GALNT18: variants seen among roughly 807,000 people sequenced by gnomAD.
GALNT18 encodes GalNAc-transferase 18.
GALNT18 carries 44 observed loss-of-function variants against 69.5 expected under a neutral mutation model. The observed-to-expected ratio is 0.63, with a 90% CI of 0.50 to 0.81. GALNT18 has a LOEUF of 0.81. Ranked by LOEUF, GALNT18 falls within the 40% of genes least tolerant of loss-of-function variation. The pLI is 0.00. For synonymous variants in GALNT18, 364 were observed against 318.2 expected (o/e 1.14, Z -1.53); for missense variants, 715 against 810.0 (o/e 0.88, Z 1.42).
At chr11:11,292,755 TAATAA>T (rs58896388) in intron 10 of GALNT18, among the ~76,000 whole-genome samples, 1,825 of 152,188 alleles carry the variant, frequency 0.012, 47 homozygotes, top group African/African-American at 0.042. Flanking sequence ...AAAAGTACAA[TAATAA>T]AATCATTATA....
chr11:11,307,515 A>G lies in GALNT18; in HGVS notation c.1513-14322T>C, dbSNP rs535978604. On this transcript the variant is annotated intron_variant, in intron 9 of 10. Coordinates refer to ENST00000227756, the MANE Select transcript of GALNT18 (RefSeq NM_198516.3). ...TATTGGATAGCAACAATTTGCTATC[A>G]AACAGGAAAACTGGCAGAGCTGGGA... is the stretch of plus-strand genomic sequence containing the variant. 3.3e-5 allele frequency among the ~76,000 whole-genome samples: 5 copies of G among 152,334 alleles called. No individual in the cohort carries two copies. The South Asian group carries it at 1.0e-3, about 32-fold the overall frequency.
At position 11,404,439 on chromosome 11, in the gene GALNT18, GAA is replaced by G. The variant is rs1854541109; in HGVS notation, c.596-25177_596-25176del. 6.6e-6 allele frequency among the ~76,000 whole-genome samples: 1 copy of G among 152,212 alleles called. No homozygotes were observed. The highest frequency in any genetic ancestry group is 1.5e-5 in the Non-Finnish European group (1 of 68,038). ...GGCAAGAGGAGCAGGAGCAGGAGCT[GAA>G]GCACTCAAAGGCTGATGTAAGCCCT... On this transcript the variant is annotated intron_variant, in intron 3 of 10. Transcript: ENST00000227756. The surrounding 1 kb of genome is among the most constrained non-coding windows in gnomAD (Gnocchi z 4.5).
At chr11:11,559,380 C>T (rs1277226006) in intron 1 of GALNT18, among the ~76,000 whole-genome samples, 1 of 152,244 alleles carries the variant, frequency 6.6e-6, no homozygotes, top group Non-Finnish European at 1.5e-5. Context: ...CACACCCCAA[C>T]TGTCTGCTTC....
At position 11,413,285 on chromosome 11, in the gene GALNT18, G is replaced by GCT. The variant is rs556526335; in HGVS notation, c.595+19334_595+19335dup. 1.2e-4 allele frequency among the ~76,000 whole-genome samples: 19 copies of GCT among 152,304 alleles called. No homozygotes were observed. In the South Asian group the frequency reaches 3.7e-3, roughly 30 times the overall value. ...GCATGCCTGAGGACCCCGGTGGGAA[G>GCT]CTCTTCTGCACTGAGTGGCCCTGGA... On this transcript the variant is annotated intron_variant, in intron 3 of 10. Coordinates refer to ENST00000227756, the MANE Select transcript of GALNT18 (RefSeq NM_198516.3). The surrounding 1 kb of genome is among the most constrained non-coding windows in gnomAD (Gnocchi z 4.7).
chr11:11,534,992 C>A (rs192254567), intron 1 of GALNT18, among the ~76,000 whole-genome samples: 1 of 152,260 alleles, frequency 6.6e-6, no homozygotes, highest in Non-Finnish European at 1.5e-5. Flanking sequence ...CGGGTCCTGG[C>A]TCCACTACTG....
intron 3 of GALNT18, among the ~76,000 whole-genome samples, chr11:11,392,816 T>G (rs73419802): frequency 0.12 from 18,951 of 152,140 alleles, 1,278 homozygotes; most frequent in Middle Eastern, 0.27. Flanking sequence ...TTTTAATTAT[T>G]ATGGATACTA....
At chr11:11,371,610 T>A (rs1480612821) in intron 6 of GALNT18, among the ~76,000 whole-genome samples, 1 of 151,970 alleles carries the variant, frequency 6.6e-6, no homozygotes, top group Non-Finnish European at 1.5e-5. Flanking sequence ...TGCTGAGGGT[T>A]CCCCACGGAG....
At chr11:11,506,319 AAT>A (rs1296843746) in intron 1 of GALNT18, among the ~76,000 whole-genome samples, 2 of 152,184 alleles carry the variant, frequency 1.3e-5, no homozygotes, top group African/African-American at 4.8e-5. Context: ...CAAAATATTT[AAT>A]ATGTGTTCAC....
chr11:11,286,463 T>G (rs1170919628), intron 10 of GALNT18, among the ~76,000 whole-genome samples: 1 of 151,944 alleles, frequency 6.6e-6, no homozygotes, highest in Non-Finnish European at 1.5e-5. Flanking sequence ...ACTATTAACA[T>G]GAAATGTCTT....
chr11:11,291,966 G>A (rs1163805351), intron 10 of GALNT18, among the ~76,000 whole-genome samples: 1 of 152,142 alleles, frequency 6.6e-6, no homozygotes, highest in African/African-American at 2.4e-5. Context: ...GAGAGTAACT[G>A]GATGCCAGGA....
intron 3 of GALNT18, among the ~76,000 whole-genome samples, chr11:11,401,552 T>C (rs141651542): frequency 1.3e-5 from 2 of 152,352 alleles, no homozygotes; most frequent in East Asian, 3.9e-4. Flanking sequence ...TTTGACATCC[T>C]GAGCATACAC....
chr11:11,294,682 A>G (rs563405877), intron 9 of GALNT18, among the ~76,000 whole-genome samples: 1 of 151,668 alleles, frequency 6.6e-6, no homozygotes, highest in Non-Finnish European at 1.5e-5. Flanking sequence ...GGAGTCTCCC[A>G]TGGGCTGTAG....
At chr11:11,411,215 A>T (rs868325449) in intron 3 of GALNT18, among the ~76,000 whole-genome samples, 40 of 152,122 alleles carry the variant, frequency 2.6e-4, no homozygotes, top group African/African-American at 9.7e-4. Flanking sequence ...TCGGGAGGTT[A>T]AGGTGAGAGG....
rs573673572 is a variant in GALNT18, at chr11:11,389,036, C to T, written c.596-9772G>A. Among the ~76,000 whole-genome samples the T allele has an allele frequency of 4.6e-5, 7 of 152,212 alleles. No individual in the cohort carries two copies. The highest frequency in any genetic ancestry group is 1.4e-4 in the African/African-American group (6 of 41,528). On this transcript the variant is annotated intron_variant, in intron 3 of 10. Transcript: ENST00000227756. The surrounding 1 kb of genome is among the most constrained non-coding windows in gnomAD (Gnocchi z 4.3). ...AGCCCAGAGAGGCTAAAGGATTTGC[C>T]CAGTATCACAGAGCTAGAAGATGGC...
At chr11:11,479,452 G>A (rs1856475378) in intron 1 of GALNT18, among the ~76,000 whole-genome samples, 1 of 152,128 alleles carries the variant, frequency 6.6e-6, no homozygotes, top group Non-Finnish European at 1.5e-5. Context: ...AAACAGTGGT[G>A]CCAGCAAATT....
At chr11:11,503,161 G>A (rs1857006864) in intron 1 of GALNT18, among the ~76,000 whole-genome samples, 1 of 152,160 alleles carries the variant, frequency 6.6e-6, no homozygotes, top group Admixed American at 6.5e-5. Flanking sequence ...ATCGTGAGTG[G>A]GGACCAGATA....
intron 1 of GALNT18, among the ~76,000 whole-genome samples, chr11:11,528,537 C>T (rs552057050): frequency 5.3e-5 from 8 of 152,184 alleles, no homozygotes; most frequent in African/African-American, 1.9e-4. Flanking sequence ...GCAAACTCTA[C>T]AAGGCAATGA....
chr11:11,345,627 G>A (rs1850288720), intron 6 of GALNT18, among the ~76,000 whole-genome samples: 2 of 151,966 alleles, frequency 1.3e-5, no homozygotes, highest in South Asian at 2.1e-4. Flanking sequence ...AAACCAGAGG[G>A]AGGATATACA....
intron 1 of GALNT18, among the ~76,000 whole-genome samples, chr11:11,466,218 T>C (rs1392625985): frequency 6.6e-6 from 1 of 152,238 alleles, no homozygotes; most frequent in Non-Finnish European, 1.5e-5. Flanking sequence ...CTGGGTGGGT[T>C]GTGACTGCAT....
Sources: allele counts gnomAD v4.1 joint callset (sites outside exome capture counted in the v4.1 genomes callset), GRCh38; gene constraint gnomAD v4.1.1; non-coding constraint Gnocchi (gnomAD v3.1); transcripts MANE v1.5; gene names NCBI Gene and HGNC (gene_info 2026-07-23, HGNC 2026-07-21).